Variants in GALNT17 observed in about 807,000 individuals in gnomAD.
GALNT17 encodes the protein polypeptide N-acetylgalactosaminyltransferase 17.
In GALNT17, 29 loss-of-function variants were observed where a neutral mutation model predicts 63.7. That is an observed-to-expected ratio of 0.46 (90% confidence interval 0.34 to 0.62). The LOEUF (loss-of-function observed/expected upper bound fraction) is 0.62. Ranked by LOEUF, GALNT17 falls within the 20% of genes least tolerant of loss-of-function variation. GALNT17 has a pLI of 0.01. For missense variants in GALNT17, 603 were observed against 799.6 expected (o/e 0.75, Z 2.97); for synonymous variants, 305 against 318.3 (o/e 0.96, Z 0.45).
chr7:71,498,400 C>T (rs1000821501), intron 5 of GALNT17, among the ~76,000 whole-genome samples: 2 of 152,096 alleles, frequency 1.3e-5, no homozygotes, highest in East Asian at 3.9e-4. Flanking sequence ...TCACTTGAGC[C>T]TGGTGGAGGT....
intron 4 of GALNT17, among the ~76,000 whole-genome samples, chr7:71,416,751 T>C (rs1447025523): frequency 1.3e-5 from 2 of 152,236 alleles, no homozygotes; most frequent in Non-Finnish European, 2.9e-5. Flanking sequence ...GATGGTTGTC[T>C]GTCATTGTGA....
intron 8 of GALNT17, among the ~76,000 whole-genome samples, chr7:71,673,974 G>A (rs1014099428): frequency 3.9e-5 from 6 of 152,228 alleles, no homozygotes; most frequent in African/African-American, 1.4e-4. Flanking sequence ...AACTCCAGGA[G>A]CTGCCTTTGA....
chr7:71,214,050 T>C (rs1789430160), intron 1 of GALNT17, among the ~76,000 whole-genome samples: 1 of 152,254 alleles, frequency 6.6e-6, no homozygotes, highest in African/African-American at 2.4e-5. Flanking sequence ...CCAAATGTTA[T>C]ATGGCCCTCC....
chr7:71,135,511 A>G (rs984068410), intron 1 of GALNT17, among the ~76,000 whole-genome samples: 6 of 152,234 alleles, frequency 3.9e-5, no homozygotes, highest in Non-Finnish European at 1.5e-5. Flanking sequence ...AGAGCTGGGA[A>G]TCGAACCTGG....
chr7:71,136,686 T>C (rs1787789975), intron 1 of GALNT17, among the ~76,000 whole-genome samples: 1 of 152,106 alleles, frequency 6.6e-6, no homozygotes, highest in South Asian at 2.1e-4. Flanking sequence ...GTTTTCGCCA[T>C]GTTGGTCAGG....
intron 9 of GALNT17, among the ~76,000 whole-genome samples, chr7:71,691,777 C>T (rs1329115920): frequency 1.3e-5 from 2 of 152,260 alleles, no homozygotes; most frequent in East Asian, 3.9e-4. Flanking sequence ...ACCAGCTGAG[C>T]CTTTCTCCCT....
intron 2 of GALNT17, among the ~76,000 whole-genome samples, chr7:71,387,281 A>G (rs1792963168): frequency 7.0e-6 from 1 of 142,562 alleles, no homozygotes; most frequent in Non-Finnish European, 1.5e-5. Flanking sequence ...AAAACCCGCA[A>G]TTACTTTTGC....
chr7:71,614,902 AGGGAGGAAGGG>A (rs1562710969), intron 6 of GALNT17, among the ~76,000 whole-genome samples: 3 of 90,480 alleles, frequency 3.3e-5, no homozygotes, highest in Non-Finnish European at 4.4e-5. Context: ...GGAGGGAGGG[AGGGAGGAAGGG>A]AGGGAAATAA....
At chr7:71,172,060 A>G (rs1050118082) in intron 1 of GALNT17, among the ~76,000 whole-genome samples, 2 of 152,212 alleles carry the variant, frequency 1.3e-5, no homozygotes, top group African/African-American at 4.8e-5. Context: ...AAGGGAATTA[A>G]GGAATAGGTG....
At chr7:71,524,505 C>T (rs1788592558) in intron 5 of GALNT17, among the ~76,000 whole-genome samples, 1 of 152,054 alleles carries the variant, frequency 6.6e-6, no homozygotes, top group Non-Finnish European at 1.5e-5. Context: ...CTACCCAAAG[C>T]CTACACATGG....
intron 7 of GALNT17, 152 bp downstream of exon 7, chr7:71,665,748 G>C (rs1300611287): frequency 1.1e-6 from 1 of 883,722 alleles, no homozygotes; most frequent in African/African-American, 1.7e-5. Context: ...AGATGTCTCA[G>C]CTTTAGAACT....
chr7:71,607,862 A>G (rs1790069432), intron 6 of GALNT17, among the ~76,000 whole-genome samples: 1 of 152,238 alleles, frequency 6.6e-6, no homozygotes, highest in Non-Finnish European at 1.5e-5. Flanking sequence ...CTTGATGGTT[A>G]ACTTCCTTGG....
At chr7:71,205,152 C>CTTTTTTTTTTTT (rs759200277) in intron 1 of GALNT17, among the ~76,000 whole-genome samples, 1 of 115,032 alleles carries the variant, frequency 8.7e-6, no homozygotes, top group Non-Finnish European at 1.7e-5. Flanking sequence ...TTACTTTTTA[C>CTTTTTTTTTTTT]TTTTTTTTTT....
At chr7:71,169,695 A>G (rs1324099598) in intron 1 of GALNT17, among the ~76,000 whole-genome samples, 1 of 152,084 alleles carries the variant, frequency 6.6e-6, no homozygotes, top group African/African-American at 2.4e-5. Context: ...AGCTGGAACT[A>G]CAGGTGCATG....
intron 1 of GALNT17, among the ~76,000 whole-genome samples, chr7:71,272,794 G>A (rs1790616419): frequency 6.6e-6 from 1 of 152,168 alleles, no homozygotes; most frequent in South Asian, 2.1e-4. Context: ...GGAGGCCTGA[G>A]ATGATATTTC....
At chr7:71,141,453 A>T (rs1402920282) in intron 1 of GALNT17, among the ~76,000 whole-genome samples, 1 of 152,142 alleles carries the variant, frequency 6.6e-6, no homozygotes, top group African/African-American at 2.4e-5. Context: ...ACCTTGGGCA[A>T]GTCCCTTCAC....
chr7:71,406,392 C>A (rs769817123), intron 3 of GALNT17, among the ~76,000 whole-genome samples: 7 of 152,028 alleles, frequency 4.6e-5, no homozygotes, highest in Non-Finnish European at 8.8e-5. Flanking sequence ...ACATGTCATG[C>A]ATTTTTGGAG....
At chr7:71,297,267 GCA>G (rs1433888615) in intron 1 of GALNT17, among the ~76,000 whole-genome samples, 1 of 152,212 alleles carries the variant, frequency 6.6e-6, no homozygotes, top group African/African-American at 2.4e-5. Flanking sequence ...CTGGGGCCGG[GCA>G]CAGTGGCTCA....
chr7:71,469,387 G>A lies in GALNT17; in HGVS notation c.962+48282G>A, dbSNP rs113324116. Among the ~76,000 whole-genome samples the A allele has an allele frequency of 5.0e-3, 764 of 152,208 alleles. 3 individuals carry two copies. Among genetic ancestry groups the A allele is most frequent in the African/African-American group, 0.017 (723 of 41,490 alleles). On this transcript the variant is annotated intron_variant, in intron 5 of 10. Transcript: ENST00000333538. ...TAGGACTGGTCACGGAAAAACCTTCGACACATTAAATTACACAGAGTTTAA... is the reference window on the plus strand; with the variant it reads ...TAGGACTGGTCACGGAAAAACCTTCAACACATTAAATTACACAGAGTTTAA...
Sources: gnomAD v4.1 joint callset for allele counts (sites outside exome capture counted in the v4.1 genomes callset) on GRCh38, gnomAD v4.1.1 for gene constraint, MANE v1.5 for transcripts, NCBI Gene and HGNC (gene_info 2026-07-23, HGNC 2026-07-21) for gene names.